Variants in NUP98 observed in about 807,000 individuals in gnomAD.
NUP98 encodes the protein nuclear pore complex protein Nup98-Nup96.
A neutral mutation model predicts 191.9 loss-of-function variants in NUP98; 26 were observed. The ratio of observed to expected loss-of-function variants is 0.14; its 90% CI spans 0.10 to 0.19. The LOEUF (loss-of-function observed/expected upper bound fraction) is 0.19. NUP98 is among the 10% of genes least tolerant of loss of function. The pLI, the probability that NUP98 is intolerant of heterozygous loss-of-function variation, is 1.00. For missense variants in NUP98, 1,941 were observed against 2,178.8 expected, an observed-to-expected ratio of 0.89 and a Z score of 2.17; for synonymous variants, 808 against 778.4, an observed-to-expected ratio of 1.04 and a Z score of -0.63.
At chr11:3,684,863 TCAA>T (rs2134024352) in intron 29 of NUP98, among the ~76,000 whole-genome samples, 1 of 147,916 alleles carries the variant, frequency 6.8e-6, no homozygotes, top group Admixed American at 6.7e-5. Context: ...TTACCCTAGG[TCAA>T]AGTGAGTACG....
intron 30 of NUP98, among the ~76,000 whole-genome samples, chr11:3,680,170 A>C (rs2077940906): frequency 6.6e-6 from 1 of 152,180 alleles, no homozygotes; most frequent in Admixed American, 6.5e-5. Flanking sequence ...CTAATTTCTT[A>C]AAATAAGATA....
intron 22 of NUP98, among the ~76,000 whole-genome samples, chr11:3,704,521 C>T (rs73426394): frequency 0.013 from 2,055 of 152,306 alleles, 53 homozygotes; most frequent in African/African-American, 0.047. Flanking sequence ...GCTGTAAGGA[C>T]TGCACAAAAC....
intron 30 of NUP98, among the ~76,000 whole-genome samples, chr11:3,681,293 G>A (rs1341290792): frequency 2.6e-5 from 4 of 152,076 alleles, no homozygotes; most frequent in Non-Finnish European, 5.9e-5. Context: ...CTGCCGCTTT[G>A]GCCTCCCAAA....
chr11:3,695,349 CTG>C, intron 26 of NUP98, 98 bp downstream of exon 26: 2 of 1,101,826 alleles, frequency 1.8e-6, no homozygotes, highest in African/African-American at 1.6e-5. Flanking sequence ...TTTTGTGTAA[CTG>C]TGCACAATTT....
chr11:3,712,280 G>A, intron 20 of NUP98: 8 of 1,191,934 alleles, frequency 6.7e-6, no homozygotes, highest in Non-Finnish European at 7.3e-6. Context: ...TAATCACTGA[G>A]CAGAGAATTC....
intron 10 of NUP98, among the ~76,000 whole-genome samples, chr11:3,758,547 G>A (rs996061743): frequency 3.3e-5 from 5 of 152,208 alleles, no homozygotes; most frequent in African/African-American, 9.7e-5. Context: ...CACTTTGGGA[G>A]GCCGAGGAGG....
chr11:3,768,725 T>C lies in NUP98; in HGVS notation c.804A>G (p.Thr268=). ...AFGTSTTGFG[T]NPGGLFGQQN... ...GTTGGCCAAAGAGACCACCTGGATTTGTTCCAAATCCAGTTGTACCTTTTA... is the reference window on the plus strand; with the variant it reads ...GTTGGCCAAAGAGACCACCTGGATTCGTTCCAAATCCAGTTGTACCTTTTA... Residue 268 remains threonine (T), a synonymous_variant, in exon 8 of 33, where the codon ACA becomes ACG. Coordinates refer to ENST00000324932, the MANE Select transcript of NUP98 (RefSeq NM_016320.5). 6.3e-7 allele frequency: 1 copy of C among 1,584,574 alleles called. No homozygotes were observed. Among genetic ancestry groups the C allele is most frequent in the Non-Finnish European group, 8.6e-7 (1 of 1,167,846 alleles).
intron 27 of NUP98, among the ~76,000 whole-genome samples, chr11:3,692,615 G>C (rs914273419): frequency 1.3e-5 from 2 of 151,240 alleles, no homozygotes; most frequent in African/African-American, 4.9e-5. Context: ...AAAGTAAACA[G>C]ACAACCCAAA....
intron 11 of NUP98, among the ~76,000 whole-genome samples, chr11:3,745,624 T>C (rs942021507): frequency 8.6e-5 from 13 of 151,820 alleles, no homozygotes; most frequent in Admixed American, 2.0e-4. Flanking sequence ...GATTTAAAGT[T>C]CCATTAAAAA....
chr11:3,719,572 T>G, intron 17 of NUP98, 22 bp from the exon 18 acceptor site: 1 of 1,510,358 alleles, frequency 6.6e-7, no homozygotes, highest in Non-Finnish European at 8.8e-7. Context: ...AGCAAATAGT[T>G]AAAAATTCAT....
At position 3,712,611 on chromosome 11, in the gene NUP98, T is replaced by C. The variant is rs2079052437; in HGVS notation, c.2695A>G (p.Thr899Ala). Reference protein sequence around the residue: ...TAPLPPASQTTPLQMALNGKP... With the variant: ...TAPLPPASQTAPLQMALNGKP... ...CCATTAAGAGCCATCTGCAAGGGCG[T>C]AGTCTGGCTTGCAGGAGGCAAAGGA... Residue 899 changes from threonine (T) to alanine (A), a missense_variant, in exon 20 of 33, where the codon ACG becomes GCG. Physicochemically the swap from Thr to Ala is moderately conservative, Grantham distance 58 (BLOSUM62 0). This residue lies in a region of NUP98 where 1,030 missense variants were observed against 1,115.8 expected (regional missense o/e 0.92). Coordinates refer to ENST00000324932, the MANE Select transcript of NUP98 (RefSeq NM_016320.5). 4 of 1,614,100 alleles carry C rather than the reference T, an allele frequency of 2.5e-6. No individual in the cohort carries two copies. The highest frequency in any genetic ancestry group is 2.2e-5 in the South Asian group (2 of 91,086).
rs769675823 is a variant in NUP98 at position 3,679,587 on chromosome 11, A to T, written c.5040T>A (p.Ile1680=). The change falls in exon 31 of 33, where the codon ATT becomes ATA. Residue 1680 remains isoleucine, a synonymous_variant. Transcript: ENST00000324932. ...ETSGLVYLDY[I]RVIEMLRHIQ... Reference sequence around the variant, plus strand: ...TATGGCGGAGCATTTCAATGACTCTAATATAGTCCAGGTAAACAAGCCCAG... The same window carrying T: ...TATGGCGGAGCATTTCAATGACTCTTATATAGTCCAGGTAAACAAGCCCAG... 2.5e-6 allele frequency: 4 copies of T among 1,614,066 alleles called. No individual in the cohort carries two copies. The African/African-American group carries it at 4.0e-5, about 16-fold the overall frequency.
intron 28 of NUP98, 98 bp from the exon 29 acceptor site, chr11:3,686,292 T>C: frequency 9.5e-7 from 1 of 1,055,330 alleles, no homozygotes; most frequent in Non-Finnish European, 1.4e-6. Flanking sequence ...TAAAAGAACC[T>C]GAGAGTGAAA....
chr11:3,685,345 G>C (rs1320600599), intron 29 of NUP98, among the ~76,000 whole-genome samples: 2 of 152,156 alleles, frequency 1.3e-5, no homozygotes, highest in Non-Finnish European at 2.9e-5. Flanking sequence ...TTAAGGAATG[G>C]GTCGGTGACA....
At chr11:3,676,482 G>GA in intron 32 of NUP98, 27 bp downstream of exon 32, 1 of 1,606,788 alleles carries the variant, frequency 6.2e-7, no homozygotes, top group Non-Finnish European at 8.5e-7. Context: ...CAAGAAGGCA[G>GA]AAAGAGTGAG....
At chr11:3,777,906 T>C (rs967772074) in intron 4 of NUP98, among the ~76,000 whole-genome samples, 11 of 151,780 alleles carry the variant, frequency 7.2e-5, no homozygotes, top group African/African-American at 2.4e-4. Flanking sequence ...CTCTGGAAAA[T>C]ACTGATGGCA....
intron 9 of NUP98, among the ~76,000 whole-genome samples, chr11:3,761,541 C>T (rs1349248812): frequency 1.3e-5 from 2 of 152,064 alleles, no homozygotes; most frequent in Non-Finnish European, 2.9e-5. Context: ...AGGTGGATCA[C>T]GAGGTCAGGA....
chr11:3,699,047 C>CA, intron 25 of NUP98, 35 bp downstream of exon 25: 1 of 1,604,838 alleles, frequency 6.2e-7, no homozygotes, highest in South Asian at 1.1e-5. Flanking sequence ...AGGAAGGCGA[C>CA]AGAGGCGCAG....
At chr11:3,743,160 A>G (rs1380164051) in intron 12 of NUP98, among the ~76,000 whole-genome samples, 2 of 151,672 alleles carry the variant, frequency 1.3e-5, no homozygotes, top group East Asian at 3.9e-4. Flanking sequence ...CTAGGATTAC[A>G]TGCACATGCC....
Sources: allele counts gnomAD v4.1 joint callset (sites outside exome capture counted in the v4.1 genomes callset), GRCh38; gene constraint gnomAD v4.1.1; regional missense constraint gnomAD v4.1.1; transcripts MANE v1.5; gene names NCBI Gene and HGNC (gene_info 2026-07-23, HGNC 2026-07-21).